Variants in CEP112 observed in about 807,000 individuals in gnomAD.
CEP112 encodes centrosomal protein of 112 kDa.
CEP112 carries 127 observed loss-of-function variants against 153.0 expected under a neutral mutation model. That is an observed-to-expected ratio of 0.83 (90% CI 0.72 to 0.96). The LOEUF (loss-of-function observed/expected upper bound fraction) is 0.96, where lower values mean the gene tolerates loss of function less well. Ranked by LOEUF, CEP112 falls within the 40% of genes least tolerant of loss-of-function variation. The probability of loss-of-function intolerance (pLI) is 0.00; values close to 1 mark genes in which losing one functional copy is unlikely to be tolerated. For missense variants in CEP112, 1,089 were observed against 1,101.2 expected (o/e 0.99, Z 0.16); for synonymous variants, 358 against 374.4 (o/e 0.96, Z 0.51).
intron 23 of CEP112, among the ~76,000 whole-genome samples, chr17:65,734,908 T>C (rs1448351848): frequency 1.3e-5 from 2 of 152,204 alleles, no homozygotes; most frequent in Non-Finnish European, 2.9e-5. Flanking sequence ...CTAACATCCA[T>C]TGGTCTCTTT....
intron 21 of CEP112, among the ~76,000 whole-genome samples, chr17:65,846,953 G>A (rs1002008222): frequency 5.3e-5 from 8 of 152,104 alleles, no homozygotes; most frequent in African/African-American, 1.7e-4. Context: ...GGTCTTTACT[G>A]CATTTGAAAA....
chr17:65,716,981 A>G (rs1187044142), intron 23 of CEP112, among the ~76,000 whole-genome samples: 1 of 152,222 alleles, frequency 6.6e-6, no homozygotes, highest in African/African-American at 2.4e-5. Flanking sequence ...TCCCCTTTAA[A>G]TATGAAATTG....
At chr17:65,663,895 A>C (rs2046536661) in intron 24 of CEP112, among the ~76,000 whole-genome samples, 1 of 151,978 alleles carries the variant, frequency 6.6e-6, no homozygotes, top group Non-Finnish European at 1.5e-5. Context: ...AAATACAAAA[A>C]CTTAGCCAGG....
intron 21 of CEP112, among the ~76,000 whole-genome samples, chr17:65,817,139 T>C (rs920518684): frequency 3.3e-5 from 5 of 151,958 alleles, no homozygotes; most frequent in Non-Finnish European, 5.9e-5. Context: ...TGATGATTTA[T>C]ATAGGTATAT....
chr17:66,150,132 C>T (rs1490903513), intron 4 of CEP112, among the ~76,000 whole-genome samples: 3 of 148,372 alleles, frequency 2.0e-5, no homozygotes, highest in Non-Finnish European at 4.5e-5. Flanking sequence ...GATCTCTCGA[C>T]CTCATGATCC....
chr17:65,876,252 T>G (rs2058821086), intron 20 of CEP112, among the ~76,000 whole-genome samples: 1 of 152,192 alleles, frequency 6.6e-6, no homozygotes, highest in Non-Finnish European at 1.5e-5. Flanking sequence ...CCATACAACC[T>G]CCAAAGAAAT....
chr17:65,843,865 G>T (rs140367140), intron 21 of CEP112, among the ~76,000 whole-genome samples: 1,675 of 152,232 alleles, frequency 0.011, 30 homozygotes, highest in African/African-American at 0.038. Flanking sequence ...TTATAGTGGA[G>T]AATTTACAAA....
At chr17:65,739,217 AT>A (rs1464472945) in intron 23 of CEP112, among the ~76,000 whole-genome samples, 1 of 152,214 alleles carries the variant, frequency 6.6e-6, no homozygotes, top group Non-Finnish European at 1.5e-5. Flanking sequence ...AATGCCACAC[AT>A]TGAGCAGATG....
intron 16 of CEP112, among the ~76,000 whole-genome samples, chr17:66,015,161 C>T (rs996279549): frequency 6.6e-6 from 1 of 152,184 alleles, no homozygotes; most frequent in Non-Finnish European, 1.5e-5. Context: ...AAAATAATAG[C>T]TTGGCATATG....
chr17:65,841,285 T>C (rs1250203708), intron 21 of CEP112, among the ~76,000 whole-genome samples: 1 of 152,054 alleles, frequency 6.6e-6, no homozygotes, highest in Admixed American at 6.5e-5. Flanking sequence ...AAAGAAAATG[T>C]GCGATATATA....
intron 12 of CEP112, among the ~76,000 whole-genome samples, chr17:66,038,110 A>AAAAAAAAGAAAAG (rs71293591): frequency 5.8e-5 from 7 of 120,658 alleles, no homozygotes; most frequent in African/African-American, 2.0e-4. Context: ...CAAAAAAAAA[A>AAAAAAAAGAAAAG]AAAAGAAAAG....
intron 21 of CEP112, among the ~76,000 whole-genome samples, chr17:65,771,095 G>GT (rs201483555): frequency 2.6e-5 from 4 of 151,848 alleles, no homozygotes; most frequent in Admixed American, 2.0e-4. Flanking sequence ...TTATCACTGT[G>GT]TTTTTAAAAA....
At chr17:66,101,962 A>G (rs1368821841) in intron 6 of CEP112, among the ~76,000 whole-genome samples, 2 of 152,164 alleles carry the variant, frequency 1.3e-5, no homozygotes, top group Non-Finnish European at 2.9e-5. Context: ...AGAGATGGCT[A>G]TTTTTTAAGA....
intron 8 of CEP112, among the ~76,000 whole-genome samples, chr17:66,085,377 C>A (rs1470508278): frequency 6.6e-6 from 1 of 152,144 alleles, no homozygotes; most frequent in Non-Finnish European, 1.5e-5. Flanking sequence ...GCAGACATAA[C>A]CTTATTTTAA....
intron 24 of CEP112, among the ~76,000 whole-genome samples, chr17:65,682,450 C>A: frequency 6.6e-6 from 1 of 152,160 alleles, no homozygotes. Flanking sequence ...TGTTCATCTT[C>A]CCTGCTGGAC....
intron 12 of CEP112, among the ~76,000 whole-genome samples, chr17:66,039,439 T>G (rs1356197748): frequency 6.6e-6 from 1 of 152,148 alleles, no homozygotes; most frequent in Non-Finnish European, 1.5e-5. Context: ...AAACTTCTTA[T>G]GAAAATAGGA....
intron 17 of CEP112, among the ~76,000 whole-genome samples, chr17:65,970,465 CA>C (rs769437916): frequency 1.6e-4 from 2 of 12,176 alleles, no homozygotes; most frequent in African/African-American, 2.5e-4. Context: ...TGCATGCACA[CA>C]TGCATGTATA....
intron 21 of CEP112, 80 bp from the exon 22 acceptor site, chr17:65,750,804 C>T (rs1341956991): frequency 3.9e-6 from 5 of 1,274,378 alleles, no homozygotes; most frequent in Non-Finnish European, 5.7e-6. Flanking sequence ...CACCAGGCAG[C>T]TGGGATGCCT....
At chr17:65,858,419 G>A (rs924711348) in intron 20 of CEP112, among the ~76,000 whole-genome samples, 3 of 151,818 alleles carry the variant, frequency 2.0e-5, no homozygotes, top group African/African-American at 2.4e-5. Context: ...TTTGTCTTGC[G>A]GCATTTTATG....
Sources: allele counts gnomAD v4.1 joint callset (sites outside exome capture counted in the v4.1 genomes callset), GRCh38; gene constraint gnomAD v4.1.1; transcripts MANE v1.5; gene names NCBI Gene and HGNC (gene_info 2026-07-23, HGNC 2026-07-21).